Variants in PPP6R2 observed in about 807,000 individuals in gnomAD.
PPP6R2 encodes the protein protein phosphatase 6 regulatory subunit 2.
A neutral mutation model predicts 100.2 loss-of-function variants in PPP6R2; 62 were observed. That is an observed-to-expected ratio of 0.62 (90% CI 0.50 to 0.76). The LOEUF (loss-of-function observed/expected upper bound fraction) is 0.76. Ranked by LOEUF, PPP6R2 falls within the 30% of genes least tolerant of loss-of-function variation. PPP6R2 has a pLI of 0.00. For missense variants in PPP6R2, 1,142 were observed against 1,276.3 expected (o/e 0.89, Z 1.60); for synonymous variants, 525 against 514.7 (o/e 1.02, Z -0.27).
chr22:50,394,223 A>G lies in PPP6R2; in HGVS notation c.227+88A>G, dbSNP rs950846037. On this transcript the variant is annotated intron_variant, in intron 3 of 23. Coordinates refer to ENST00000612753, the MANE Select transcript of PPP6R2 (RefSeq NM_001242898.2). ...TGTCTGAGGATGGCCATAGTTGGGGATTTCTGATGAAGAAGCGAGCCGTAA... is the reference window on the plus strand; with the variant it reads ...TGTCTGAGGATGGCCATAGTTGGGGGTTTCTGATGAAGAAGCGAGCCGTAA... 19 of 1,530,890 alleles carry G rather than the reference A, an allele frequency of 1.2e-5. 1 individual carries two copies. The African/African-American group carries it at 2.2e-4, about 18-fold the overall frequency. 94.8% of individuals were successfully genotyped at this position (1,530,890 alleles called of 1,614,324 possible). A position where few individuals can be genotyped will look rare whatever the true frequency, so the allele number is the denominator to read the frequency against.
At chr22:50,380,550 G>C (rs960426835) in intron 2 of PPP6R2, among the ~76,000 whole-genome samples, 1 of 150,932 alleles carries the variant, frequency 6.6e-6, no homozygotes. Flanking sequence ...TAGTAGAGAC[G>C]GGGTTTCACT....
At chr22:50,338,274 GTGTGGTGTGTT>G in the PPP6R2 span, among the ~76,000 whole-genome samples, 8 of 142,578 alleles carry the variant, frequency 5.6e-5, no homozygotes, top group Non-Finnish European at 1.2e-4. Flanking sequence ...CGTGTGAAGT[GTGTGGTGTGTT>G]TGTGGTGTGT....
intron 2 of PPP6R2, among the ~76,000 whole-genome samples, chr22:50,378,716 CAA>C (rs1555995644): frequency 2.4e-5 from 2 of 82,410 alleles, no homozygotes; most frequent in Admixed American, 1.3e-4. Context: ...CCCATCTCTA[CAA>C]AAAAAAAAAA....
chr22:50,426,505 G>T (rs1315093281), intron 10 of PPP6R2, among the ~76,000 whole-genome samples: 2 of 152,004 alleles, frequency 1.3e-5, no homozygotes, highest in African/African-American at 4.8e-5. Flanking sequence ...TCATTCTTTT[G>T]CATGGGGTTA....
intron 2 of PPP6R2, among the ~76,000 whole-genome samples, chr22:50,378,716 C>CCAA (rs199814599): frequency 1.1e-3 from 87 of 82,420 alleles, no homozygotes; most frequent in African/African-American, 2.8e-3. Context: ...CCCATCTCTA[C>CCAA]AAAAAAAAAA....
chr22:50,391,702 G>A (rs78861845), intron 2 of PPP6R2, among the ~76,000 whole-genome samples: 1 of 144,922 alleles, frequency 6.9e-6, no homozygotes, highest in Admixed American at 6.9e-5. Flanking sequence ...GTATCTTGCT[G>A]TTTTTTTTTT....
intron 8 of PPP6R2, among the ~76,000 whole-genome samples, chr22:50,422,025 C>T (rs1226609497): frequency 6.6e-6 from 1 of 152,084 alleles, no homozygotes; most frequent in Non-Finnish European, 1.5e-5. Context: ...CCTCCATATT[C>T]TCGGATGTCG....
At chr22:50,438,550 T>C in intron 18 of PPP6R2, 49 bp from the exon 19 acceptor site, 1 of 1,596,688 alleles carries the variant, frequency 6.3e-7, no homozygotes, top group South Asian at 1.1e-5. Flanking sequence ...CCCTCCATGT[T>C]AGGCGTCCGT....
At position 50,414,517 on chromosome 22, in the gene PPP6R2, G is replaced by T. The variant is rs112469569; in HGVS notation, c.415-35G>T. On this transcript the variant is annotated intron_variant, in intron 4 of 23. Coordinates refer to ENST00000612753, the MANE Select transcript of PPP6R2 (RefSeq NM_001242898.2). ...GAGGTGTCTCAGGGTTGTCAGGGTCGGCCCCGCCTGCCTCTCAGGTGTGTG... is the reference window on the plus strand; with the variant it reads ...GAGGTGTCTCAGGGTTGTCAGGGTCTGCCCCGCCTGCCTCTCAGGTGTGTG... 11 of 1,607,116 alleles carry T rather than the reference G, an allele frequency of 6.8e-6. No homozygotes were observed. In the South Asian group the frequency reaches 1.2e-4, roughly 18 times the overall value.
chr22:50,339,921 GT>G (rs2042353034), upstream of PPP6R2, among the ~76,000 whole-genome samples: 1 of 133,670 alleles, frequency 7.5e-6, no homozygotes, highest in Non-Finnish European at 1.6e-5. Flanking sequence ...TGTGGTGTGT[GT>G]GTGGGGTGTG....
chr22:50,386,070 C>G (rs899866344), intron 2 of PPP6R2, among the ~76,000 whole-genome samples: 13 of 151,794 alleles, frequency 8.6e-5, no homozygotes, highest in East Asian at 3.9e-4. Context: ...GGTGATCCGC[C>G]CGCCTCAGCC....
chr22:50,437,916 T>C lies in PPP6R2; in HGVS notation c.1839+16T>C, dbSNP rs1483172500. The C allele has an allele frequency of 1.3e-6, 2 of 1,559,944 alleles. No homozygotes were observed. Among genetic ancestry groups the C allele is most frequent in the East Asian group, 4.9e-5 (2 of 41,232 alleles). On this transcript the variant is annotated intron_variant, in intron 17 of 23. Coordinates refer to ENST00000612753, the MANE Select transcript of PPP6R2 (RefSeq NM_001242898.2). The stretch of plus-strand genomic sequence containing the variant: ...CGAGGACAGTGTGAGCAAGCCGGGC[T>C]GTGTGGGGTGCCGCCACCCTTTTCC...
At chr22:50,415,210 T>C (rs1284247238) in intron 5 of PPP6R2, among the ~76,000 whole-genome samples, 1 of 152,194 alleles carries the variant, frequency 6.6e-6, no homozygotes, top group African/African-American at 2.4e-5. Context: ...GCCCAGGAAA[T>C]CCGTGCTGAC....
chr22:50,391,432 C>CAA (rs57682271), intron 2 of PPP6R2, among the ~76,000 whole-genome samples: 920 of 65,126 alleles, frequency 0.014, 105 homozygotes, highest in African/African-American at 0.052. Context: ...GACTCCGTCT[C>CAA]AAAAAAAAAA....
At chr22:50,413,971 T>C (rs2060128062) in intron 4 of PPP6R2, among the ~76,000 whole-genome samples, 1 of 152,262 alleles carries the variant, frequency 6.6e-6, no homozygotes, top group African/African-American at 2.4e-5. Context: ...TGATGGGTGC[T>C]GTGCCCCCCC....
intron 1 of PPP6R2, among the ~76,000 whole-genome samples, chr22:50,358,990 G>GGCC (rs2047181298): frequency 2.3e-5 from 1 of 42,670 alleles, no homozygotes; most frequent in Non-Finnish European, 7.8e-5. Context: ...TAAAAGAACC[G>GGCC]CCCCCCCCCC....
intron 1 of PPP6R2, among the ~76,000 whole-genome samples, chr22:50,357,505 T>TCTC (rs2046862884): frequency 6.6e-6 from 1 of 151,400 alleles, no homozygotes; most frequent in African/African-American, 2.4e-5. Context: ...CTCTCTCTCT[T>TCTC]TCTTTTTTGA....
intron 4 of PPP6R2, among the ~76,000 whole-genome samples, chr22:50,410,616 G>A (rs2059612425): frequency 6.7e-6 from 1 of 149,618 alleles, no homozygotes; most frequent in Non-Finnish European, 1.5e-5. Context: ...CCTCCCGTCT[G>A]GGGGATAGAG....
At chr22:50,403,308 C>A (rs2058339930) in intron 3 of PPP6R2, among the ~76,000 whole-genome samples, 1 of 152,198 alleles carries the variant, frequency 6.6e-6, no homozygotes, top group Admixed American at 6.5e-5. Context: ...TTCCTCCTCA[C>A]CCCATGGGAT....
Sources: gnomAD v4.1 joint callset for allele counts (sites outside exome capture counted in the v4.1 genomes callset) on GRCh38, gnomAD v4.1.1 for gene constraint, MANE v1.5 for transcripts, NCBI Gene and HGNC (gene_info 2026-07-23, HGNC 2026-07-21) for gene names.